USH2A: variants seen among roughly 807,000 people sequenced by gnomAD.
USH2A encodes Usher syndrome 2A (autosomal recessive, mild).
Under a neutral mutation model 538.9 loss-of-function variants are expected in USH2A, and 443 were observed. The ratio of observed to expected loss-of-function variants is 0.82; its 90% CI spans 0.76 to 0.89. The LOEUF is 0.89. Ranked by LOEUF, USH2A falls within the 40% of genes least tolerant of loss-of-function variation. The probability of loss-of-function intolerance (pLI) is 0.00; values close to 1 mark genes in which losing one functional copy is unlikely to be tolerated. For synonymous variants in USH2A, 2,413 were observed against 2,273.5 expected (o/e 1.06, Z -1.75); for missense variants, 6,633 against 6,324.8 (o/e 1.05, Z -1.65).
At chr1:215,774,478 A>C (rs1374208703) in intron 55 of USH2A, among the ~76,000 whole-genome samples, 2 of 151,760 alleles carry the variant, frequency 1.3e-5, no homozygotes, top group African/African-American at 4.8e-5. Context: ...TATAACAACA[A>C]AAATATAATA....
rs973347935 is a variant in USH2A, at chr1:215,623,520, C to T, written c.*2261G>A. 3.9e-5 allele frequency: 6 copies of T among 152,032 alleles called. No individual in the cohort carries two copies. Among genetic ancestry groups the T allele is most frequent in the Admixed American group, 6.6e-5 (1 of 15,244 alleles). 9.4% of individuals were successfully genotyped at this position (152,032 alleles called of 1,614,324 possible). On this transcript the variant is annotated 3_prime_UTR_variant, in exon 72 of 72. Coordinates refer to ENST00000307340, the MANE Select transcript of USH2A (RefSeq NM_206933.4). ...TGGTTTGTATAATAGAGGCTTGGCA[C>T]GCAATACCACTTAAAGTAGCAAAGC...
chr1:215,642,622 T>G (rs1656723134), intron 67 of USH2A, among the ~76,000 whole-genome samples: 1 of 152,186 alleles, frequency 6.6e-6, no homozygotes. Flanking sequence ...TTCATAACTT[T>G]TTATTTGTTT....
chr1:215,961,239 C>T (rs961840084), intron 37 of USH2A, among the ~76,000 whole-genome samples: 5 of 151,800 alleles, frequency 3.3e-5, no homozygotes, highest in African/African-American at 1.2e-4. Flanking sequence ...TAGCTCTTTT[C>T]AGTTATTTAA....
At chr1:215,872,191 T>G (rs931976058) in intron 43 of USH2A, among the ~76,000 whole-genome samples, 7 of 152,214 alleles carry the variant, frequency 4.6e-5, no homozygotes, top group African/African-American at 1.4e-4. Context: ...TTTCCTTACA[T>G]CTTCAAATCT....
intron 41 of USH2A, among the ~76,000 whole-genome samples, chr1:215,879,677 G>C (rs957713736): frequency 6.6e-6 from 1 of 152,180 alleles, no homozygotes; most frequent in Non-Finnish European, 1.5e-5. Context: ...GATAAGGAAT[G>C]TATAGAAAGC....
rs6686319 is a variant in USH2A at position 215,801,763 on chromosome 1, G to A, written c.9740-2638C>T. 5.3e-3 allele frequency among the ~76,000 whole-genome samples: 808 copies of A among 152,106 alleles called. 6 individuals are homozygous for A. The highest frequency in any genetic ancestry group is 0.018 in the African/African-American group (747 of 41,538). On this transcript the variant is annotated intron_variant, in intron 49 of 71. Transcript: ENST00000307340. ...AATCCCAATGCTTTTTGCAGAAGCAGAAGAAGCCATTATAAAATTCACATG... is the reference window on the plus strand; with the variant it reads ...AATCCCAATGCTTTTTGCAGAAGCAAAAGAAGCCATTATAAAATTCACATG...
intron 4 of USH2A, among the ~76,000 whole-genome samples, chr1:216,329,320 T>G (rs1358479385): frequency 6.6e-6 from 1 of 152,178 alleles, no homozygotes; most frequent in Non-Finnish European, 1.5e-5. Flanking sequence ...TCAATTGACC[T>G]GGATCCAGGA....
intron 3 of USH2A, among the ~76,000 whole-genome samples, chr1:216,368,129 T>C (rs1191858884): frequency 6.6e-6 from 1 of 152,182 alleles, no homozygotes; most frequent in African/African-American, 2.4e-5. Flanking sequence ...TTTCATATTT[T>C]ATTTTAACCA....
rs1420277429 is a variant in USH2A, at chr1:216,421,841, C to T, written c.485+11G>A. The T allele has an allele frequency of 1.9e-6, 3 of 1,613,862 alleles. No individual in the cohort carries two copies. Among genetic ancestry groups the T allele is most frequent in the Non-Finnish European group, 1.7e-6 (2 of 1,179,828 alleles). On this transcript the variant is annotated intron_variant, in intron 2 of 71. Coordinates refer to ENST00000307340, the MANE Select transcript of USH2A (RefSeq NM_206933.4). The stretch of plus-strand genomic sequence containing the variant: ...GGACCTATGAAAGCTTATACCTACA[C>T]TACTACTTACATTACACCTTGTTGC...
At chr1:215,694,514 G>A (rs184270103) in intron 61 of USH2A, among the ~76,000 whole-genome samples, 61 of 152,246 alleles carry the variant, frequency 4.0e-4, no homozygotes, top group Admixed American at 3.3e-3. Flanking sequence ...CGGAGCTTAC[G>A]GTTAGCCGAG....
intron 51 of USH2A, among the ~76,000 whole-genome samples, chr1:215,787,121 G>T (rs1661824584): frequency 6.6e-6 from 1 of 152,248 alleles, no homozygotes; most frequent in Non-Finnish European, 1.5e-5. Context: ...CCTTGAGCAA[G>T]TCACTTATGT....
chr1:216,236,001 T>A (rs1238466915), intron 13 of USH2A, among the ~76,000 whole-genome samples: 2 of 152,172 alleles, frequency 1.3e-5, no homozygotes, highest in Non-Finnish European at 2.9e-5. Flanking sequence ...GTATAGTTGA[T>A]GATGGTAGTT....
intron 9 of USH2A, among the ~76,000 whole-genome samples, chr1:216,306,464 C>T (rs1487358366): frequency 6.6e-6 from 1 of 152,148 alleles, no homozygotes; most frequent in Non-Finnish European, 1.5e-5. Flanking sequence ...TTTGGTGCCT[C>T]CTTCAGTCAC....
chr1:216,359,710 G>C (rs2038454422), intron 4 of USH2A, among the ~76,000 whole-genome samples: 1 of 151,952 alleles, frequency 6.6e-6, no homozygotes, highest in Non-Finnish European at 1.5e-5. Flanking sequence ...CATTCAAAAA[G>C]AGTTGAGTTC....
chr1:216,204,751 G>C (rs1448315041), intron 16 of USH2A, among the ~76,000 whole-genome samples: 1 of 152,108 alleles, frequency 6.6e-6, no homozygotes, highest in African/African-American at 2.4e-5. Flanking sequence ...ACTAGAAATA[G>C]AGTAATAAAC....
chr1:216,236,241 A>G (rs942321898), intron 13 of USH2A, among the ~76,000 whole-genome samples: 2 of 151,874 alleles, frequency 1.3e-5, no homozygotes, highest in African/African-American at 2.4e-5. Flanking sequence ...CTTCTTGAGC[A>G]GCTTGCTGAT....
intron 4 of USH2A, among the ~76,000 whole-genome samples, chr1:216,354,076 T>C (rs2038336499): frequency 1.3e-5 from 2 of 152,112 alleles, no homozygotes; most frequent in Admixed American, 6.6e-5. Context: ...CCACCAGACA[T>C]GTGTCTAACT....
chr1:215,783,920 T>C (rs1280576182), intron 52 of USH2A, among the ~76,000 whole-genome samples: 1 of 152,184 alleles, frequency 6.6e-6, no homozygotes, highest in Admixed American at 6.5e-5. Flanking sequence ...TCTCCTTATA[T>C]ACATCTCCTT....
At chr1:215,928,254 A>G (rs1316440559) in intron 38 of USH2A, among the ~76,000 whole-genome samples, 1 of 152,126 alleles carries the variant, frequency 6.6e-6, no homozygotes, top group Non-Finnish European at 1.5e-5. Flanking sequence ...AGCTACAAAC[A>G]TTTTAAACAA....
Sources: allele counts gnomAD v4.1 joint callset (sites outside exome capture counted in the v4.1 genomes callset), GRCh38; gene constraint gnomAD v4.1.1; transcripts MANE v1.5; gene names NCBI Gene and HGNC (gene_info 2026-07-23, HGNC 2026-07-21).